The following PIK3CG variants were observed in gnomAD, a reference collection of about 807,000 sequenced individuals.
PIK3CG encodes phosphatidylinositol 4,5-bisphosphate 3-kinase catalytic subunit gamma isoform.
A neutral mutation model predicts 102.3 loss-of-function variants in PIK3CG; 55 were observed. The observed-to-expected ratio is 0.54, with a 90% CI of 0.43 to 0.67. The LOEUF is 0.67. PIK3CG is among the 30% of genes least tolerant of loss of function. The pLI is 0.00. For synonymous variants in PIK3CG, 552 were observed against 540.0 expected (o/e 1.02, Z -0.31); for missense variants, 1,258 against 1,391.8 (o/e 0.90, Z 1.53).
Position 106,906,995 on chromosome 7 carries a change from C to A in PIK3CG, c.*1608C>A. ...AATTAGCTGGGTATAGTGGTATGTG[C>A]CTGTAGTCCCAGGTACTCAGGAGGC... On this transcript the variant is annotated 3_prime_UTR_variant, in exon 11 of 11. Coordinates refer to ENST00000496166, the MANE Select transcript of PIK3CG (RefSeq NM_001282426.2). 1 of 215,492 alleles carries A rather than the reference C, an allele frequency of 4.6e-6. No homozygotes were observed. The highest frequency in any genetic ancestry group is 9.4e-6 in the Non-Finnish European group (1 of 106,942). 13.3% of individuals were successfully genotyped at this position (215,492 alleles called of 1,614,324 possible).
rs541543337 is a variant in PIK3CG at position 106,892,611 on chromosome 7, A to G, written c.3030+6319A>G. ...TTATCTGTAGTGTATCAGACACTGC[A>G]TTGGGCATAGGTGAGACAATAGAGC... On this transcript the variant is annotated intron_variant, in intron 10 of 10. Transcript: ENST00000496166. The surrounding 1 kb of genome is among the most constrained non-coding windows in gnomAD (Gnocchi z 5.2). Among the ~76,000 whole-genome samples, 1 of 152,364 alleles carries G rather than the reference A, an allele frequency of 6.6e-6. No homozygotes were observed. Among genetic ancestry groups the G allele is most frequent in the African/African-American group, 2.4e-5 (1 of 41,596 alleles).
Position 106,907,740 on chromosome 7 carries a change from A to C in PIK3CG, c.*2353A>C, listed in dbSNP as rs1791723325. The stretch of plus-strand genomic sequence containing the variant: ...TTTCATTATGCTAATATATATATAT[A>C]ACATATATATGCTAATATATATATA... On this transcript the variant is annotated 3_prime_UTR_variant, in exon 11 of 11. Transcript: ENST00000496166. 6.9e-6 allele frequency among the ~76,000 whole-genome samples: 1 copy of C among 145,766 alleles called. No individual in the cohort carries two copies. Among genetic ancestry groups the C allele is most frequent in the South Asian group, 2.2e-4 (1 of 4,598 alleles).
At chr7:106,896,163 T>C (rs933617517) in intron 10 of PIK3CG, among the ~76,000 whole-genome samples, 23 of 152,210 alleles carry the variant, frequency 1.5e-4, no homozygotes, top group Non-Finnish European at 2.9e-5. Flanking sequence ...AGGACAGTTA[T>C]TTCCTTTAAC....
At chr7:106,896,151 G>A (rs932383616) in intron 10 of PIK3CG, among the ~76,000 whole-genome samples, 1 of 152,212 alleles carries the variant, frequency 6.6e-6, no homozygotes, top group African/African-American at 2.4e-5. Flanking sequence ...TTCGAGAAAA[G>A]CAGGACAGTT....
In PIK3CG at chr7:106,867,803, C is replaced by T. The variant is rs1335642291; in HGVS notation, c.242C>T (p.Thr81Ile). 1 of 1,612,614 alleles carries T rather than the reference C, an allele frequency of 6.2e-7. No homozygotes were observed. The highest frequency in any genetic ancestry group is 1.1e-5 in the South Asian group (1 of 91,086). ...CAGGTGTGGCTGCGAGCGCTGGAGA[C>T]CAGCGTGGCGGCGGACTTCTACCAC... The part of the protein sequence containing the change: ...KAQVWLRALE[T>I]SVAADFYHRL... Residue 81 changes from threonine (T) to isoleucine (I), a missense_variant, in exon 2 of 11, where the codon ACC becomes ATC. By Grantham distance (89) the Thr-to-Ile change is moderately conservative. Transcript: ENST00000496166. This position sits in a 1 kb window ranked among gnomAD's most constrained non-coding sequence, Gnocchi z 5.1.
At position 106,895,970 on chromosome 7, in the gene PIK3CG, C is replaced by CGAA. The variant is rs1465708492; in HGVS notation, c.3031-9139_3031-9138insGAA. Reference sequence around the variant, plus strand: ...GGCTGATTAAAGCTGCACCAAGTCTCTAAGTGTGTACAGCCCATCAGAATC... The same window carrying CGAA: ...GGCTGATTAAAGCTGCACCAAGTCTCGAATAAGTGTGTACAGCCCATCAGAATC... On this transcript the variant is annotated intron_variant, in intron 10 of 10. Coordinates refer to ENST00000496166, the MANE Select transcript of PIK3CG (RefSeq NM_001282426.2). This position sits in a 1 kb window ranked among gnomAD's most constrained non-coding sequence, Gnocchi z 5.4. Among the ~76,000 whole-genome samples the CGAA allele has an allele frequency of 6.6e-6, 1 of 152,224 alleles. No homozygotes were observed. Among genetic ancestry groups the CGAA allele is most frequent in the East Asian group, 1.9e-4 (1 of 5,200 alleles).
Position 106,868,305 on chromosome 7 carries a change from CT to C in PIK3CG, c.746del (p.Phe249SerfsTer10), listed in dbSNP as rs2116436623. 1 of 1,614,228 alleles carries C rather than the reference CT, an allele frequency of 6.2e-7. No individual in the cohort carries two copies. The highest frequency in any genetic ancestry group is 8.5e-7 in the Non-Finnish European group (1 of 1,180,052). ...CCCCCGGCGCCATCCTGCAGAGCTT[CT>C]TCACCAAGATGGCCAAGAAGAAATC... is the stretch of plus-strand genomic sequence containing the variant. ...DTPGAILQSFFTKMAKKKSLM... is the reference protein window; with the variant it reads ...DTPGAILQSFXTKMAKKKSLM... On this transcript the variant is annotated frameshift_variant, in exon 2 of 11. Transcript: ENST00000496166. LOFTEE classifies it high-confidence loss of function. This position sits in a 1 kb window ranked among gnomAD's most constrained non-coding sequence, Gnocchi z 6.2.
rs1791012267 is a variant in PIK3CG at position 106,883,900 on chromosome 7, TTTGA to T, written c.2761-252_2761-249del. Among the ~76,000 whole-genome samples the T allele has an allele frequency of 1.3e-5, 2 of 152,200 alleles. No individual in the cohort carries two copies. The highest frequency in any genetic ancestry group is 4.8e-5 in the African/African-American group (2 of 41,456). Reference sequence around the variant, plus strand: ...TGATGCATGGAGAGGAAGTGAACCCTTTGATTAAATTACTGTTGCCCTTTGACTC... The same window carrying T: ...TGATGCATGGAGAGGAAGTGAACCCTTTAAATTACTGTTGCCCTTTGACTC... On this transcript the variant is annotated intron_variant, in intron 8 of 10. Transcript: ENST00000496166. This position sits in a 1 kb window ranked among gnomAD's most constrained non-coding sequence, Gnocchi z 5.8.
chr7:106,867,294 T>C lies in PIK3CG; in HGVS notation c.-12-256T>C, dbSNP rs1790318420. Among the ~76,000 whole-genome samples, 1 of 152,140 alleles carries C rather than the reference T, an allele frequency of 6.6e-6. No individual in the cohort carries two copies. The highest frequency in any genetic ancestry group is 2.4e-5 in the African/African-American group (1 of 41,424). On this transcript the variant is annotated intron_variant, in intron 1 of 10. Coordinates refer to ENST00000496166, the MANE Select transcript of PIK3CG (RefSeq NM_001282426.2). The surrounding 1 kb of genome is among the most constrained non-coding windows in gnomAD (Gnocchi z 5.1). ...TCTGGGGCATTCATTACTAACCAGT[T>C]TGAGAGATGAGAAACAGGCTCAGAG...
rs1346883020 is a variant in PIK3CG, at chr7:106,886,188, C to A, written c.2926C>A (p.Leu976Met). The change falls in exon 10 of 11, where the codon CTG (leucine) becomes ATG (methionine). Residue 976 changes from leucine to methionine, a missense_variant. Around this residue, in one of 2 missense-constraint regions of PIK3CG, gnomAD observed 426 missense variants for 604.2 expected, o/e 0.71. Coordinates refer to ENST00000496166, the MANE Select transcript of PIK3CG (RefSeq NM_001282426.2). ...CATTCTTGGGAATTACAAAAGTTTC[C>A]TGGGCATTAATAAAGAGAGAGTGCC... ...GHILGNYKSF[L>M]GINKERVPFV... The A allele has an allele frequency of 6.2e-7, 1 of 1,614,084 alleles. No homozygotes were observed. The highest frequency in any genetic ancestry group is 8.5e-7 in the Non-Finnish European group (1 of 1,179,956).
intron 10 of PIK3CG, among the ~76,000 whole-genome samples, chr7:106,888,352 A>G (rs1194599787): frequency 1.3e-5 from 2 of 152,100 alleles, no homozygotes; most frequent in Admixed American, 6.5e-5. Flanking sequence ...CCTGGTGCCC[A>G]TATCACCCCG....
chr7:106,871,421 A>C (rs900939766), intron 2 of PIK3CG, among the ~76,000 whole-genome samples: 2 of 152,238 alleles, frequency 1.3e-5, no homozygotes, highest in African/African-American at 4.8e-5. Context: ...TAATTGAAAC[A>C]TGATGAAGCC....
In PIK3CG at chr7:106,890,816, G is replaced by A. The variant is rs1791245863; in HGVS notation, c.3030+4524G>A. 6.6e-6 allele frequency among the ~76,000 whole-genome samples: 1 copy of A among 152,192 alleles called. No individual in the cohort carries two copies. Among genetic ancestry groups the A allele is most frequent in the Non-Finnish European group, 1.5e-5 (1 of 68,028 alleles). ...TGTCCCTCCAGCCTCATGCCACACT[G>A]TTCCCCTCATCTGCTCCCTCATCAC... On this transcript the variant is annotated intron_variant, in intron 10 of 10. Coordinates refer to ENST00000496166, the MANE Select transcript of PIK3CG (RefSeq NM_001282426.2). The surrounding 1 kb of genome is among the most constrained non-coding windows in gnomAD (Gnocchi z 4.2).
chr7:106,878,311 A>G (rs1340055201), intron 5 of PIK3CG, among the ~76,000 whole-genome samples: 1 of 152,078 alleles, frequency 6.6e-6, no homozygotes, highest in Non-Finnish European at 1.5e-5. Flanking sequence ...GTTTTCAGCA[A>G]TTTGATTATG....
intron 10 of PIK3CG, among the ~76,000 whole-genome samples, chr7:106,889,211 G>A (rs932852030): frequency 6.6e-6 from 1 of 152,008 alleles, no homozygotes; most frequent in African/African-American, 2.4e-5. Flanking sequence ...CTCTCCCTGT[G>A]TTCCCTCATC....
rs745734727 is a variant in PIK3CG, at chr7:106,867,842, A to C, written c.281A>C (p.His94Pro). 1.9e-6 allele frequency: 3 copies of C among 1,612,552 alleles called. No homozygotes were observed. Among genetic ancestry groups the C allele is most frequent in the Admixed American group, 1.7e-5 (1 of 60,006 alleles). ...GACTTCTACCACCGGCTGGGACCGC[A>C]TCACTTCCTCCTGCTCTATCAGAAG... ...AADFYHRLGP[H>P]HFLLLYQKKG... is the part of the protein sequence containing the mutation. The change falls in exon 2 of 11, where the codon CAT (histidine) becomes CCT (proline). Residue 94 changes from histidine (H) to proline (P), a missense_variant. Around this residue, in one of 2 missense-constraint regions of PIK3CG, gnomAD observed 832 missense variants for 787.5 expected, o/e 1.06. Transcript: ENST00000496166. The surrounding 1 kb of genome is among the most constrained non-coding windows in gnomAD (Gnocchi z 5.1).
chr7:106,885,986 C>T (rs1372095233), intron 9 of PIK3CG, 149 bp from the exon 10 acceptor site: 1 of 666,432 alleles, frequency 1.5e-6, no homozygotes. Context: ...TTTCACACAC[C>T]TGCTAAGACG....
rs2116416325 is a variant in PIK3CG at position 106,867,589 on chromosome 7, G to A, written c.28G>A (p.Val10Met). The A allele has an allele frequency of 1.3e-6, 2 of 1,597,568 alleles. No homozygotes were observed. The highest frequency in any genetic ancestry group is 1.7e-6 in the Non-Finnish European group (2 of 1,172,346). MELENYKQPVVLREDNCRRR... is the reference protein window; with the variant it reads MELENYKQPMVLREDNCRRR... ...GGAGCTGGAGAACTATAAACAGCCC[G>A]TGGTGCTGAGAGAGGACAACTGCCG... The change falls in exon 2 of 11, where the codon GTG becomes ATG. Residue 10 changes from valine to methionine, a missense_variant. By Grantham distance (21) the Val-to-Met change is conservative (BLOSUM62 1). This residue lies in a region of PIK3CG where 832 missense variants were observed against 787.5 expected (regional missense o/e 1.06). Coordinates refer to ENST00000496166, the MANE Select transcript of PIK3CG (RefSeq NM_001282426.2). The surrounding 1 kb of genome is among the most constrained non-coding windows in gnomAD (Gnocchi z 5.1).
intron 2 of PIK3CG, among the ~76,000 whole-genome samples, chr7:106,870,509 G>A (rs1459307306): frequency 6.6e-6 from 1 of 152,144 alleles, no homozygotes; most frequent in Non-Finnish European, 1.5e-5. Context: ...CATTAAATGA[G>A]TACACACACA....
Sources: gnomAD v4.1 joint callset for allele counts (sites outside exome capture counted in the v4.1 genomes callset) on GRCh38, gnomAD v4.1.1 for gene constraint, gnomAD v4.1.1 regional missense constraint, Gnocchi (gnomAD v3.1) non-coding constraint, MANE v1.5 for transcripts, NCBI Gene and HGNC (gene_info 2026-07-23, HGNC 2026-07-21) for gene names.